PRKD1: variants seen among roughly 807,000 people sequenced by gnomAD.
PRKD1 encodes serine/threonine-protein kinase D1.
A neutral mutation model predicts 95.9 loss-of-function variants in PRKD1; 63 were observed. That is an observed-to-expected ratio of 0.66 (90% confidence interval 0.54 to 0.81). PRKD1 has a LOEUF of 0.81. PRKD1 is among the 30% of genes least tolerant of loss of function. The probability of loss-of-function intolerance (pLI) is 0.00; values close to 1 mark genes in which losing one functional copy is unlikely to be tolerated. For missense variants in PRKD1, 1,048 were observed against 1,165.3 expected (o/e 0.90, Z 1.47); for synonymous variants, 425 against 423.1 (o/e 1.00, Z -0.05).
chr14:29,661,975 C>T lies in PRKD1; in HGVS notation c.696+1724G>A, dbSNP rs147681055. ...CATTTAATTTCAACATTTTATGTAA[C>T]GTATCAAATAATTCAAATAATTTAG... On this transcript the variant is annotated intron_variant, in intron 4 of 17. Coordinates refer to ENST00000331968, the MANE Select transcript of PRKD1 (RefSeq NM_002742.3). Among the ~76,000 whole-genome samples, 44 of 152,180 alleles carry T rather than the reference C, an allele frequency of 2.9e-4. No homozygotes were observed. The East Asian group carries it at 6.0e-3, about 21-fold the overall frequency.
intron 1 of PRKD1, among the ~76,000 whole-genome samples, chr14:29,840,522 T>C (rs1891797412): frequency 6.6e-6 from 1 of 152,158 alleles, no homozygotes; most frequent in Admixed American, 6.5e-5. Flanking sequence ...TCCACATTTA[T>C]GGGTATCTTT....
intron 13 of PRKD1, among the ~76,000 whole-genome samples, chr14:29,602,352 C>T (rs533432900): frequency 7.9e-5 from 12 of 151,678 alleles, no homozygotes; most frequent in South Asian, 2.1e-4. Flanking sequence ...AGGGGAGAGA[C>T]GCAATGACTG....
chr14:29,663,541 A>C (rs1462778944), intron 4 of PRKD1, among the ~76,000 whole-genome samples, 158 bp downstream of exon 4: 1 of 152,174 alleles, frequency 6.6e-6, no homozygotes, highest in Non-Finnish European at 1.5e-5. Context: ...ATTTGATGAG[A>C]CACTGACCAA....
chr14:29,772,497 C>T (rs774028161), intron 1 of PRKD1, among the ~76,000 whole-genome samples: 7 of 152,076 alleles, frequency 4.6e-5, no homozygotes, highest in South Asian at 2.1e-4. Flanking sequence ...TTGTTATAGC[C>T]GCCCAAATGG....
At chr14:29,688,948 CAAAAAAAAA>C (rs377212196) in intron 2 of PRKD1, among the ~76,000 whole-genome samples, 1 of 32,502 alleles carries the variant, frequency 3.1e-5, no homozygotes, top group African/African-American at 9.4e-5. Flanking sequence ...GACTCCGTCT[CAAAAAAAAA>C]AAAAAAAAAA....
chr14:29,867,010 T>C (rs543100047), intron 1 of PRKD1, among the ~76,000 whole-genome samples: 1 of 152,298 alleles, frequency 6.6e-6, no homozygotes, highest in South Asian at 2.1e-4. Context: ...ACCCCCAAAA[T>C]TGTTCTAAGA....
intron 2 of PRKD1, among the ~76,000 whole-genome samples, chr14:29,672,955 T>C (rs1028952863): frequency 1.3e-5 from 2 of 152,138 alleles, no homozygotes; most frequent in Admixed American, 6.5e-5. Flanking sequence ...GTAGGAGTGT[T>C]TGATAGCAGG....
intron 1 of PRKD1, among the ~76,000 whole-genome samples, chr14:29,781,247 C>A (rs556063750): frequency 6.6e-6 from 1 of 152,080 alleles, no homozygotes; most frequent in African/African-American, 2.4e-5. Flanking sequence ...ATGTAACAAA[C>A]CTGCATGTTA....
intron 1 of PRKD1, among the ~76,000 whole-genome samples, chr14:29,874,205 G>A (rs1355319045): frequency 1.3e-5 from 2 of 152,220 alleles, no homozygotes; most frequent in Admixed American, 1.3e-4. Context: ...AAACATACAA[G>A]TGCCAACAGA....
At chr14:29,803,461 A>G (rs909485176) in intron 1 of PRKD1, among the ~76,000 whole-genome samples, 1 of 152,338 alleles carries the variant, frequency 6.6e-6, no homozygotes, top group East Asian at 1.9e-4. Context: ...TTGTAACTCT[A>G]TATTAGCATA....
intron 15 of PRKD1, among the ~76,000 whole-genome samples, chr14:29,598,404 G>A (rs1030781472): frequency 3.9e-5 from 6 of 152,026 alleles, no homozygotes; most frequent in Non-Finnish European, 5.9e-5. Context: ...CTCAGAAGTG[G>A]GTAATATTGT....
intron 13 of PRKD1, among the ~76,000 whole-genome samples, chr14:29,618,820 C>T (rs1469484653): frequency 6.6e-6 from 1 of 151,188 alleles, no homozygotes; most frequent in East Asian, 1.9e-4. Flanking sequence ...TCTCACATTC[C>T]CTATTTACAC....
chr14:29,598,931 A>T, intron 15 of PRKD1, 96 bp downstream of exon 15: 1 of 1,029,226 alleles, frequency 9.7e-7, no homozygotes, highest in East Asian at 2.4e-5. Context: ...GAAACAAATA[A>T]AGGTTTTAAG....
chr14:29,905,582 G>T (rs45504891), intron 1 of PRKD1, among the ~76,000 whole-genome samples: 2,497 of 152,170 alleles, frequency 0.016, 46 homozygotes, highest in Middle Eastern at 0.048. Flanking sequence ...AAAGGAAACT[G>T]ACCAGCCTTG....
intron 1 of PRKD1, among the ~76,000 whole-genome samples, chr14:29,838,983 A>G (rs1891721596): frequency 6.6e-6 from 1 of 152,194 alleles, no homozygotes; most frequent in South Asian, 2.1e-4. Flanking sequence ...AAACTTAGGG[A>G]AACAATGCCC....
chr14:29,676,061 T>C (rs1883173885), intron 2 of PRKD1, among the ~76,000 whole-genome samples: 1 of 151,426 alleles, frequency 6.6e-6, no homozygotes, highest in African/African-American at 2.4e-5. Context: ...CACACCAACA[T>C]GGCATATGTA....
At chr14:29,786,052 AG>A (rs1889261293) in intron 1 of PRKD1, among the ~76,000 whole-genome samples, 1 of 152,096 alleles carries the variant, frequency 6.6e-6, no homozygotes, top group African/African-American at 2.4e-5. Flanking sequence ...TTCAACATGA[AG>A]GGATGTGAAA....
chr14:29,635,379 G>A (rs972300722), intron 7 of PRKD1, among the ~76,000 whole-genome samples: 7 of 151,582 alleles, frequency 4.6e-5, no homozygotes, highest in African/African-American at 1.7e-4. Context: ...CTGCCCCCCG[G>A]CACCATGCAA....
At chr14:29,598,367 C>T (rs145836362) in intron 15 of PRKD1, among the ~76,000 whole-genome samples, 7 of 150,686 alleles carry the variant, frequency 4.6e-5, no homozygotes, top group East Asian at 3.9e-4. Flanking sequence ...CTCCAAAAAC[C>T]GAGAGACAAA....
Sources: allele counts gnomAD v4.1 joint callset (sites outside exome capture counted in the v4.1 genomes callset), GRCh38; gene constraint gnomAD v4.1.1; transcripts MANE v1.5; gene names NCBI Gene and HGNC (gene_info 2026-07-23, HGNC 2026-07-21).